Variants in SLC26A4 observed in about 807,000 individuals in gnomAD.
SLC26A4 encodes the protein solute carrier family 26 member 4.
Under a neutral mutation model 90.4 loss-of-function variants are expected in SLC26A4, and 93 were observed. That is an observed-to-expected ratio of 1.03 (90% CI 0.87 to 1.22). The LOEUF (loss-of-function observed/expected upper bound fraction) is 1.22. Ranked by LOEUF, SLC26A4 falls within the 50% of genes most tolerant of loss-of-function variation. The pLI is 0.00. For synonymous variants in SLC26A4, 393 were observed against 354.6 expected, an observed-to-expected ratio of 1.11 and a Z score of -1.22; for missense variants, 1,127 against 946.2, an observed-to-expected ratio of 1.19 and a Z score of -2.51.
chr7:107,708,242 A>T (rs1376121264), intron 18 of SLC26A4, among the ~76,000 whole-genome samples: 2 of 152,210 alleles, frequency 1.3e-5, no homozygotes, highest in Non-Finnish European at 2.9e-5. Context: ...CATGATATTT[A>T]TCTTCTACAA....
intron 6 of SLC26A4, among the ~76,000 whole-genome samples, chr7:107,682,662 A>G (rs1791273406): frequency 6.8e-6 from 1 of 148,134 alleles, no homozygotes; most frequent in Non-Finnish European, 1.5e-5. Context: ...GAAAGAAAGA[A>G]CACACACACA....
intron 8 of SLC26A4, 112 bp from the exon 9 acceptor site, chr7:107,688,941 A>C (rs1791489974): frequency 9.0e-7 from 1 of 1,113,670 alleles, no homozygotes; most frequent in African/African-American, 1.5e-5. Flanking sequence ...GTTCTTTTGG[A>C]TCAAGTACTT....
intron 20 of SLC26A4, 109 bp from the exon 21 acceptor site, chr7:107,715,314 G>T: frequency 1.2e-6 from 1 of 842,838 alleles, no homozygotes; most frequent in Non-Finnish European, 2.1e-6. Flanking sequence ...CACCTAAGAT[G>T]AGTAGCAGTA....
At chr7:107,666,831 A>G (rs1473810157) in intron 3 of SLC26A4, among the ~76,000 whole-genome samples, 1 of 151,974 alleles carries the variant, frequency 6.6e-6, no homozygotes, top group Non-Finnish European at 1.5e-5. Context: ...TAAATATTGT[A>G]CCCTAGGAAA....
intron 6 of SLC26A4, among the ~76,000 whole-genome samples, chr7:107,680,581 G>A (rs1018247210): frequency 6.6e-6 from 1 of 150,660 alleles, no homozygotes; most frequent in African/African-American, 2.4e-5. Context: ...TTCTATCATA[G>A]AGCTCTTCTT....
At chr7:107,694,294 G>A (rs1791670789) in intron 10 of SLC26A4, 109 bp from the exon 11 acceptor site, 1 of 802,170 alleles carries the variant, frequency 1.2e-6, no homozygotes, top group Non-Finnish European at 2.2e-6. Flanking sequence ...GGGAGACAGG[G>A]AAGTATGAAG....
At chr7:107,699,957 AG>A (rs1791840465) in intron 14 of SLC26A4, 125 bp from the exon 15 acceptor site, 1 of 672,018 alleles carries the variant, frequency 1.5e-6, no homozygotes, top group African/African-American at 1.8e-5. Context: ...AAGAAAGAAA[AG>A]TTGAGTGCTG....
chr7:107,672,993 T>C (rs1790916379), intron 4 of SLC26A4, among the ~76,000 whole-genome samples: 1 of 152,184 alleles, frequency 6.6e-6, no homozygotes, highest in African/African-American at 2.4e-5. Context: ...ATCTACTTTA[T>C]CCCCAACCCA....
chr7:107,661,717 G>C lies in SLC26A4; in HGVS notation c.76G>C (p.Val26Leu). ...YSCSYMVSRP[V>L]YSELAFQQQH... ...CTGCAGCTACATGGTGTCGCGGCCG[G>C]TCTACAGCGAGCTCGCTTTCCAGCA... Residue 26 changes from valine to leucine, a missense_variant, in exon 2 of 21, where the codon GTC becomes CTC. Physicochemically the swap from Val to Leu is conservative, Grantham distance 32. Transcript: ENST00000644269. This position sits in a 1 kb window ranked among gnomAD's most constrained non-coding sequence, Gnocchi z 5.1. The C allele has an allele frequency of 6.4e-7, 1 of 1,563,872 alleles. No homozygotes were observed. The highest frequency in any genetic ancestry group is 8.6e-7 in the Non-Finnish European group (1 of 1,158,210).
At chr7:107,672,054 A>G (rs1790881963) in intron 3 of SLC26A4, 84 bp from the exon 4 acceptor site, 2 of 845,394 alleles carry the variant, frequency 2.4e-6, no homozygotes, top group African/African-American at 1.7e-5. Context: ...AGGCAAAGTC[A>G]TAAGTGGAAC....
Position 107,663,313 on chromosome 7 carries a change from C to A in SLC26A4, c.182C>A (p.Ala61Asp), listed in dbSNP as rs545253625. ...TTTGACAGTTGTTCAAGAAAGAGAG[C>A]CTTTGGTGTGCTAAAGACTCTTGTG... ...AKCCSCSRKR[A>D]FGVLKTLVPI... The change falls in exon 3 of 21, where the codon GCC (alanine) becomes GAC (aspartate). Residue 61 changes from alanine (A) to aspartate (D), a missense_variant. Transcript: ENST00000644269. The A allele has an allele frequency of 3.7e-6, 6 of 1,614,114 alleles. No individual in the cohort carries two copies. Among genetic ancestry groups the A allele is most frequent in the African/African-American group, 1.3e-5 (1 of 75,036 alleles).
At chr7:107,665,858 G>A (rs534567597) in intron 3 of SLC26A4, among the ~76,000 whole-genome samples, 1 of 152,214 alleles carries the variant, frequency 6.6e-6, no homozygotes, top group African/African-American at 2.4e-5. Flanking sequence ...ATTTTAATCC[G>A]GTGTCTATTG....
In SLC26A4 at chr7:107,692,065, G is replaced by A. The variant is rs756569426; in HGVS notation, c.1263+1828G>A. 30 of 1,289,134 alleles carry A rather than the reference G, an allele frequency of 2.3e-5. No homozygotes were observed. In the Middle Eastern group the frequency reaches 6.4e-4, roughly 27 times the overall value. The allele number at this position is 1,289,134 out of a possible 1,614,324, so 79.9% of individuals were successfully genotyped here. ...ACCTCCAGGCTCAAATGAGGCATGG[G>A]CTGGCTGTCCCAGTAAGTATGCCCA... On this transcript the variant is annotated intron_variant, in intron 10 of 20. Transcript: ENST00000644269.
In SLC26A4 at chr7:107,716,779, G is replaced by T. The variant is rs1272279919; in HGVS notation, c.*1333G>T. ...TTGATTGAAAACGACATCATCCCTT[G>T]GTATACTCCAGGGATTGGTTTCAGG... On this transcript the variant is annotated 3_prime_UTR_variant, in exon 21 of 21. Transcript: ENST00000644269. 6.6e-6 allele frequency: 1 copy of T among 151,968 alleles called. No homozygotes were observed. Among genetic ancestry groups the T allele is most frequent in the East Asian group, 1.9e-4 (1 of 5,184 alleles). The allele number at this position is 151,968 out of a possible 1,614,324, so 9.4% of individuals were successfully genotyped here. A position where few individuals can be genotyped will look rare whatever the true frequency, so the allele number is the denominator to read the frequency against.
At chr7:107,706,524 T>C (rs1792041269) in intron 18 of SLC26A4, among the ~76,000 whole-genome samples, 2 of 152,234 alleles carry the variant, frequency 1.3e-5, no homozygotes, top group Non-Finnish European at 2.9e-5. Context: ...TAAAACGTCT[T>C]GATGCTATGA....
At chr7:107,702,462 C>T (rs560750829) in intron 17 of SLC26A4, among the ~76,000 whole-genome samples, 1 of 151,970 alleles carries the variant, frequency 6.6e-6, no homozygotes, top group African/African-American at 2.4e-5. Flanking sequence ...GAGGCTGAGG[C>T]AGGTGGATCA....
rs1790528957 is a variant in SLC26A4, at chr7:107,661,049, C to T, written c.-4+194C>T. ...CGAGGGGAGAGACTTGCTCAATAAG[C>T]TGAAAGTTCTGCCCCCGAGAGGGCT... is the stretch of plus-strand genomic sequence containing the variant. On this transcript the variant is annotated intron_variant, in intron 1 of 20. Coordinates refer to ENST00000644269, the MANE Select transcript of SLC26A4 (RefSeq NM_000441.2). The surrounding 1 kb of genome is among the most constrained non-coding windows in gnomAD (Gnocchi z 5.1). 1 of 153,524 alleles carries T rather than the reference C, an allele frequency of 6.5e-6. No individual in the cohort carries two copies. The highest frequency in any genetic ancestry group is 2.4e-5 in the African/African-American group (1 of 41,464). 9.5% of individuals were successfully genotyped at this position (153,524 alleles called of 1,614,324 possible).
chr7:107,666,470 C>T (rs992494609), intron 3 of SLC26A4, among the ~76,000 whole-genome samples: 1 of 152,170 alleles, frequency 6.6e-6, no homozygotes, highest in East Asian at 1.9e-4. Flanking sequence ...TATCTGCCTG[C>T]CTCGGCCTCC....
Position 107,701,883 on chromosome 7 carries a change from T to C in SLC26A4, c.1860T>C (p.Asp620=), listed in dbSNP as rs761173579. Residue 620 remains aspartate (D), a synonymous_variant, in exon 17 of 21, where the codon GAT becomes GAC. Transcript: ENST00000644269. ...ATAATGCTTTTGAGCCTGATGAGGA[T>C]ATTGAAGATCTGGAGGAACTTGATA... is the stretch of plus-strand genomic sequence containing the variant. ...STNNAFEPDE[D]IEDLEELDIP... 7.4e-6 allele frequency: 12 copies of C among 1,613,604 alleles called. No homozygotes were observed. The South Asian group carries it at 1.3e-4, about 18-fold the overall frequency.
Sources: allele counts gnomAD v4.1 joint callset (sites outside exome capture counted in the v4.1 genomes callset), GRCh38; gene constraint gnomAD v4.1.1; non-coding constraint Gnocchi (gnomAD v3.1); transcripts MANE v1.5; gene names NCBI Gene and HGNC (gene_info 2026-07-23, HGNC 2026-07-21).